The following NAV3 variants were observed in gnomAD, a reference collection of about 807,000 sequenced individuals.
NAV3 encodes the protein pore membrane and/or filament interacting like protein 1.
In NAV3, 87 loss-of-function variants were observed where a neutral mutation model predicts 244.7. The ratio of observed to expected loss-of-function variants is 0.36; its 90% CI spans 0.30 to 0.42. NAV3 has a LOEUF of 0.42. NAV3 is among the 20% of genes least tolerant of loss of function. NAV3 has a pLI of 1.00. For missense variants in NAV3, 2,663 were observed against 2,893.3 expected, an observed-to-expected ratio of 0.92 and a Z score of 1.83; for synonymous variants, 1,126 against 1,042.2, an observed-to-expected ratio of 1.08 and a Z score of -1.55.
intron 16 of NAV3, among the ~76,000 whole-genome samples, chr12:78,123,032 A>G (rs1326488958): frequency 6.6e-6 from 1 of 151,294 alleles, no homozygotes; most frequent in East Asian, 1.9e-4. Flanking sequence ...CATTGGCTTT[A>G]TATATATATA....
intron 1 of NAV3, among the ~76,000 whole-genome samples, chr12:77,860,042 A>G (rs1879029820): frequency 6.6e-6 from 1 of 151,882 alleles, no homozygotes; most frequent in Non-Finnish European, 1.5e-5. Flanking sequence ...ATGAACTGAT[A>G]ATGAAATAGC....
At chr12:77,633,270 GAATCGTTTCAAAGATT>G (rs1163402783) in intron 2 of NAV3, among the ~76,000 whole-genome samples, 2 of 152,008 alleles carry the variant, frequency 1.3e-5, no homozygotes, top group Non-Finnish European at 2.9e-5. Context: ...CACTTAAGCA[GAATCGTTTCAAAGATT>G]AATCATCATT....
At chr12:77,620,344 G>A (rs548123090) in intron 2 of NAV3, among the ~76,000 whole-genome samples, 5 of 152,280 alleles carry the variant, frequency 3.3e-5, no homozygotes, top group South Asian at 2.1e-4. Context: ...TAATCATGAC[G>A]ATGCTGGACA....
At chr12:78,082,989 T>C (rs1953437674) in intron 12 of NAV3, among the ~76,000 whole-genome samples, 2 of 152,224 alleles carry the variant, frequency 1.3e-5, no homozygotes, top group Non-Finnish European at 2.9e-5. Context: ...TGTTGAAGCC[T>C]GTCTTAGTCT....
chr12:78,063,062 T>C (rs1399847663), intron 12 of NAV3, among the ~76,000 whole-genome samples: 1 of 152,198 alleles, frequency 6.6e-6, no homozygotes, highest in Non-Finnish European at 1.5e-5. Context: ...GATCAACTTC[T>C]GGTTAAAATG....
At chr12:78,065,621 A>G (rs1247256894) in intron 12 of NAV3, among the ~76,000 whole-genome samples, 1 of 152,170 alleles carries the variant, frequency 6.6e-6, no homozygotes, top group Non-Finnish European at 1.5e-5. Context: ...GTGATGTTTG[A>G]CAACTGGCAA....
At chr12:77,719,897 T>C (rs1876533370) in intron 2 of NAV3, among the ~76,000 whole-genome samples, 1 of 152,182 alleles carries the variant, frequency 6.6e-6, no homozygotes, top group African/African-American at 2.4e-5. Flanking sequence ...GGTAGAATTC[T>C]TCAGTGAAGC....
At chr12:78,016,084 C>G (rs1196043128) in intron 8 of NAV3, among the ~76,000 whole-genome samples, 3 of 152,036 alleles carry the variant, frequency 2.0e-5, no homozygotes, top group African/African-American at 7.2e-5. Context: ...CTTTATGGCT[C>G]AAGGTGTTCT....
chr12:78,015,929 A>T (rs1365895727), intron 8 of NAV3, among the ~76,000 whole-genome samples: 1 of 152,122 alleles, frequency 6.6e-6, no homozygotes, highest in Admixed American at 6.6e-5. Context: ...GTATGGACAA[A>T]TAGATTTCTA....
At chr12:78,139,996 T>G (rs1956537744) in intron 19 of NAV3, among the ~76,000 whole-genome samples, 1 of 152,168 alleles carries the variant, frequency 6.6e-6, no homozygotes, top group African/African-American at 2.4e-5. Context: ...ATATGGGAAT[T>G]TACTGTAGCT....
chr12:77,662,437 T>G (rs1445404457), intron 2 of NAV3, among the ~76,000 whole-genome samples: 1 of 152,044 alleles, frequency 6.6e-6, no homozygotes. Context: ...ACAATTCATT[T>G]TTGTATATTG....
chr12:77,977,791 A>G (rs1242035469), intron 5 of NAV3, among the ~76,000 whole-genome samples: 1 of 151,762 alleles, frequency 6.6e-6, no homozygotes, highest in Non-Finnish European at 1.5e-5. Flanking sequence ...GTTAAGGCCT[A>G]TCTGAAAATC....
intron 2 of NAV3, among the ~76,000 whole-genome samples, chr12:77,806,571 G>C (rs1871991044): frequency 6.6e-6 from 1 of 152,178 alleles, no homozygotes; most frequent in African/African-American, 2.4e-5. Context: ...TTGCTGAAGA[G>C]TGTTTTACTT....
intron 11 of NAV3, among the ~76,000 whole-genome samples, chr12:78,053,246 ATGTATGTATGTATATGTATG>A (rs1267483947): frequency 1.3e-5 from 2 of 150,686 alleles, no homozygotes; most frequent in African/African-American, 2.4e-5. Flanking sequence ...ATATATATGT[ATGTATGTATGTATATGTATG>A]TGTATGTATG....
At chr12:77,935,274 T>C (rs1473784243) in intron 1 of NAV3, among the ~76,000 whole-genome samples, 6 of 152,076 alleles carry the variant, frequency 3.9e-5, no homozygotes, top group Non-Finnish European at 7.4e-5. Flanking sequence ...AGTAGATCTT[T>C]TTCTGATGTT....
chr12:77,982,332 T>G (rs1869729550), intron 5 of NAV3, among the ~76,000 whole-genome samples: 1 of 136,712 alleles, frequency 7.3e-6, no homozygotes, highest in Non-Finnish European at 1.7e-5. Flanking sequence ...AAATTGGCCC[T>G]CACCATGAGC....
chr12:77,695,870 G>T (rs985332843), intron 2 of NAV3, among the ~76,000 whole-genome samples: 7 of 152,008 alleles, frequency 4.6e-5, no homozygotes, highest in Admixed American at 3.9e-4. Flanking sequence ...AGAATTTTGT[G>T]ATCAGATGTC....
chr12:77,987,226 A>G (rs922033274), intron 5 of NAV3, among the ~76,000 whole-genome samples: 1 of 152,198 alleles, frequency 6.6e-6, no homozygotes, highest in African/African-American at 2.4e-5. Context: ...GGAGCAATAA[A>G]AATACTTCAA....
chr12:78,030,372 C>T (rs1878772510), intron 9 of NAV3, among the ~76,000 whole-genome samples: 1 of 152,170 alleles, frequency 6.6e-6, no homozygotes, highest in South Asian at 2.1e-4. Flanking sequence ...TTGCCAGGTC[C>T]TAGCTCAGAC....
Sources: allele counts gnomAD v4.1 joint callset (sites outside exome capture counted in the v4.1 genomes callset), GRCh38; gene constraint gnomAD v4.1.1; transcripts MANE v1.5; gene names NCBI Gene and HGNC (gene_info 2026-07-23, HGNC 2026-07-21).